The following SIPA1L1 variants were observed in gnomAD, a reference collection of about 807,000 sequenced individuals.
The protein encoded by SIPA1L1 is signal induced proliferation associated 1 like 1, also known as signal-induced proliferation-associated 1-like protein 1.
A neutral mutation model predicts 162.7 loss-of-function variants in SIPA1L1; 26 were observed. The observed-to-expected ratio is 0.16, with a 90% CI of 0.12 to 0.22. The LOEUF (loss-of-function observed/expected upper bound fraction) is 0.22, where lower values mean the gene tolerates loss of function less well. SIPA1L1 is among the 10% of genes least tolerant of loss of function. The pLI is 1.00. For synonymous variants in SIPA1L1, 829 were observed against 837.4 expected (o/e 0.99, Z 0.17); for missense variants, 1,874 against 2,241.0 (o/e 0.84, Z 3.31).
intron 2 of SIPA1L1, among the ~76,000 whole-genome samples, chr14:71,381,586 G>A (rs981572760): frequency 1.3e-5 from 2 of 152,144 alleles, no homozygotes; most frequent in Admixed American, 6.5e-5. Context: ...TTGAAAAATC[G>A]GGTGGATTCT....
At chr14:71,657,922 G>T (rs908140674) in intron 8 of SIPA1L1, among the ~76,000 whole-genome samples, 1 of 151,862 alleles carries the variant, frequency 6.6e-6, no homozygotes, top group Non-Finnish European at 1.5e-5. Context: ...AGATATTTTC[G>T]TATTATATTA....
rs766062172 is a variant in SIPA1L1, at chr14:71,587,916, C to T, written c.44C>T (p.Thr15Ile). The T allele has an allele frequency of 1.9e-6, 3 of 1,612,816 alleles. No homozygotes were observed. The highest frequency in any genetic ancestry group is 2.5e-6 in the Non-Finnish European group (3 of 1,178,894). ...KRSQTERPLA[T>I]DRASVVGTDG... is the part of the protein sequence containing the mutation. The stretch of plus-strand genomic sequence containing the variant: ...TCACAGACAGAAAGGCCTCTTGCCA[C>T]TGACAGGGCCTCTGTTGTTGGCACA... Residue 15 changes from threonine to isoleucine, a missense_variant, in exon 5 of 24, where the codon ACT becomes ATT. Around this residue, in one of 5 missense-constraint regions of SIPA1L1, gnomAD observed 685 missense variants for 828.0 expected, o/e 0.83. Transcript: ENST00000381232.
At chr14:71,557,239 G>A (rs1315836095) in intron 4 of SIPA1L1, among the ~76,000 whole-genome samples, 1 of 152,022 alleles carries the variant, frequency 6.6e-6, no homozygotes, top group East Asian at 1.9e-4. Context: ...TATTTGGTTT[G>A]CCTTTTAATG....
At chr14:71,655,978 G>A (rs2043022019) in intron 8 of SIPA1L1, among the ~76,000 whole-genome samples, 1 of 151,834 alleles carries the variant, frequency 6.6e-6, no homozygotes, top group South Asian at 2.1e-4. Flanking sequence ...ATTCTTTCTG[G>A]TAAAGTTTAA....
intron 2 of SIPA1L1, among the ~76,000 whole-genome samples, chr14:71,359,937 G>T (rs1017418056): frequency 6.6e-6 from 1 of 152,156 alleles, no homozygotes; most frequent in African/African-American, 2.4e-5. Flanking sequence ...AACATAAGTG[G>T]TTTAAAAGGT....
At chr14:71,563,109 G>A (rs551227956) in intron 4 of SIPA1L1, among the ~76,000 whole-genome samples, 3 of 152,264 alleles carry the variant, frequency 2.0e-5, no homozygotes, top group Admixed American at 6.5e-5. Flanking sequence ...AATACCTGGC[G>A]TAGAGTAGAC....
chr14:71,652,502 A>T (rs1006942413), intron 8 of SIPA1L1, among the ~76,000 whole-genome samples: 6 of 152,194 alleles, frequency 3.9e-5, no homozygotes, highest in Non-Finnish European at 7.4e-5. Flanking sequence ...GTTTTTATCA[A>T]ATTAAAGTAC....
At position 71,502,257 on chromosome 14, in the gene SIPA1L1, T is replaced by C. The variant is rs1364143200; in HGVS notation, c.-464-10486T>C. ...TGAGATACTTGAAAAAAAAAAAAAA[T>C]ATATATATATATATATATATATTTG... is the stretch of plus-strand genomic sequence containing the variant. On this transcript the variant is annotated intron_variant, in intron 2 of 23. Transcript: ENST00000381232. Among the ~76,000 whole-genome samples the C allele has an allele frequency of 2.1e-5, 2 of 94,952 alleles. 1 individual carries two copies. Among genetic ancestry groups the C allele is most frequent in the Admixed American group, 2.3e-4 (2 of 8,558 alleles). The allele number at this position is 94,952 out of a possible 152,430, so 62.3% of individuals were successfully genotyped here. A position where few individuals can be genotyped will look rare whatever the true frequency, so the allele number is the denominator to read the frequency against.
Position 71,587,946 on chromosome 14 carries a change from G to A in SIPA1L1, c.74G>A (p.Gly25Asp), listed in dbSNP as rs2034811563. Residue 25 changes from glycine to aspartate, a missense_variant, in exon 5 of 24, where the codon GGC becomes GAC. Coordinates refer to ENST00000381232, the MANE Select transcript of SIPA1L1 (RefSeq NM_001386936.1). Reference protein sequence around the residue: ...TDRASVVGTDGTPKVHTDDFY... With the variant: ...TDRASVVGTDDTPKVHTDDFY... ...AGGGCCTCTGTTGTTGGCACAGACG[G>A]CACCCCCAAAGTCCACACTGATGAT... is the stretch of plus-strand genomic sequence containing the variant. 1 of 1,613,978 alleles carries A rather than the reference G, an allele frequency of 6.2e-7. No homozygotes were observed. Among genetic ancestry groups the A allele is most frequent in the African/African-American group, 1.3e-5 (1 of 75,008 alleles).
At chr14:71,530,925 C>T (rs201748346) in intron 4 of SIPA1L1, among the ~76,000 whole-genome samples, 1 of 152,184 alleles carries the variant, frequency 6.6e-6, no homozygotes, top group Non-Finnish European at 1.5e-5. Context: ...GGCTATAAAT[C>T]TGTTCTTAGG....
chr14:71,484,719 A>G (rs1447301882), intron 2 of SIPA1L1, among the ~76,000 whole-genome samples: 1 of 152,234 alleles, frequency 6.6e-6, no homozygotes, highest in African/African-American at 2.4e-5. Flanking sequence ...GTAGGAATTC[A>G]GCAGTTATTG....
chr14:71,712,443 A>C (rs1180140966), intron 17 of SIPA1L1, among the ~76,000 whole-genome samples: 1 of 152,190 alleles, frequency 6.6e-6, no homozygotes, highest in Non-Finnish European at 1.5e-5. Flanking sequence ...ATCTTTATGA[A>C]GCTTGGAAAT....
chr14:71,457,497 C>G (rs2046271991), intron 2 of SIPA1L1, among the ~76,000 whole-genome samples: 1 of 151,624 alleles, frequency 6.6e-6, no homozygotes, highest in Non-Finnish European at 1.5e-5. Flanking sequence ...TGGGGTTTCA[C>G]TATATTGGCC....
At chr14:71,424,948 T>C (rs1188112162) in intron 2 of SIPA1L1, among the ~76,000 whole-genome samples, 1 of 152,092 alleles carries the variant, frequency 6.6e-6, no homozygotes, top group Non-Finnish European at 1.5e-5. Context: ...GTACTAGTTA[T>C]ATCTCTTAGG....
chr14:71,659,109 A>T (rs1194284622), intron 9 of SIPA1L1, among the ~76,000 whole-genome samples: 1 of 152,232 alleles, frequency 6.6e-6, no homozygotes, highest in African/African-American at 2.4e-5. Flanking sequence ...GTGGTAGTTG[A>T]TTTTTTAAAA....
chr14:71,450,025 A>C (rs1339179314), intron 2 of SIPA1L1, among the ~76,000 whole-genome samples: 1 of 152,184 alleles, frequency 6.6e-6, no homozygotes, highest in Non-Finnish European at 1.5e-5. Flanking sequence ...ATATATGTTC[A>C]TTTTAACAAT....
At chr14:71,515,850 C>T (rs762623709) in intron 3 of SIPA1L1, among the ~76,000 whole-genome samples, 1 of 152,196 alleles carries the variant, frequency 6.6e-6, no homozygotes, top group African/African-American at 2.4e-5. Flanking sequence ...CCATGTTGGC[C>T]AGGCTGGTCT....
At chr14:71,523,273 G>A (rs905300364) in intron 3 of SIPA1L1, among the ~76,000 whole-genome samples, 8 of 148,014 alleles carry the variant, frequency 5.4e-5, no homozygotes, top group African/African-American at 1.7e-4. Context: ...TTTAATATTT[G>A]GCATAGAGAG....
chr14:71,565,304 T>G (rs1026467747), intron 4 of SIPA1L1, among the ~76,000 whole-genome samples: 2 of 152,200 alleles, frequency 1.3e-5, no homozygotes, highest in Admixed American at 1.3e-4. Context: ...CTTAGTAATT[T>G]GCTAGGCTCT....
Sources: gnomAD v4.1 joint callset for allele counts (sites outside exome capture counted in the v4.1 genomes callset) on GRCh38, gnomAD v4.1.1 for gene constraint, gnomAD v4.1.1 regional missense constraint, MANE v1.5 for transcripts, NCBI Gene and HGNC (gene_info 2026-07-23, HGNC 2026-07-21) for gene names.